PPARGC1A: variants seen among roughly 807,000 people sequenced by gnomAD.
The protein encoded by PPARGC1A is PPARG coactivator 1 alpha, also known as peroxisome proliferator-activated receptor gamma coactivator 1-alpha.
PPARGC1A carries 25 observed loss-of-function variants against 88.7 expected under a neutral mutation model. That is an observed-to-expected ratio of 0.28 (90% CI 0.21 to 0.39). PPARGC1A has a LOEUF of 0.39. Among genes scored for constraint, PPARGC1A ranks in the 10% least tolerant of loss-of-function variants. PPARGC1A has a pLI of 1.00. For missense variants in PPARGC1A, 880 were observed against 968.7 expected (o/e 0.91, Z 1.22); for synonymous variants, 363 against 355.6 (o/e 1.02, Z -0.24).
chr4:24,458,063 C>T, the PPARGC1A span, among the ~76,000 whole-genome samples: 4 of 152,136 alleles, frequency 2.6e-5, no homozygotes, highest in Admixed American at 1.3e-4. Context: ...TTGCTTGGAT[C>T]CCTTGACCAA....
the PPARGC1A span, among the ~76,000 whole-genome samples, chr4:24,205,275 T>C: frequency 8.5e-5 from 13 of 152,320 alleles, no homozygotes; most frequent in African/African-American, 2.9e-4. Flanking sequence ...GTCCCTTGTA[T>C]CCCATACTGA....
At chr4:24,302,938 G>A in the PPARGC1A span, among the ~76,000 whole-genome samples, 9 of 152,232 alleles carry the variant, frequency 5.9e-5, no homozygotes, top group South Asian at 2.1e-4. Flanking sequence ...TTCAGAAGTC[G>A]TTCTATTCTT....
At chr4:24,062,298 T>C in the PPARGC1A span, among the ~76,000 whole-genome samples, 1 of 152,214 alleles carries the variant, frequency 6.6e-6, no homozygotes, top group Non-Finnish European at 1.5e-5. Context: ...CTCCTAACGT[T>C]TCATAGGATA....
chr4:24,097,173 TA>T, the PPARGC1A span, among the ~76,000 whole-genome samples: 2 of 152,096 alleles, frequency 1.3e-5, no homozygotes, highest in Non-Finnish European at 2.9e-5. Flanking sequence ...CCAGGTAAAT[TA>T]AAACATGCAT....
At chr4:24,207,071 A>G in the PPARGC1A span, among the ~76,000 whole-genome samples, 1 of 152,038 alleles carries the variant, frequency 6.6e-6, no homozygotes, top group African/African-American at 2.4e-5. Flanking sequence ...TCTTGCTCTC[A>G]AATTTTTTTA....
intron 10 of PPARGC1A, among the ~76,000 whole-genome samples, chr4:23,807,115 T>TA (rs1226212739): frequency 1.3e-5 from 2 of 152,146 alleles, no homozygotes; most frequent in Non-Finnish European, 2.9e-5. Flanking sequence ...AGATTAGCTG[T>TA]AACCTGACTG....
At chr4:24,188,258 T>A in the PPARGC1A span, among the ~76,000 whole-genome samples, 4 of 152,222 alleles carry the variant, frequency 2.6e-5, no homozygotes, top group East Asian at 7.7e-4. Context: ...TGTCCATTCA[T>A]GTCCTATATT....
the PPARGC1A span, among the ~76,000 whole-genome samples, chr4:24,184,255 G>A: frequency 1.2e-4 from 19 of 152,220 alleles, no homozygotes; most frequent in Admixed American, 1.2e-3. Flanking sequence ...TTGGAAATTA[G>A]GAAACTGACT....
the PPARGC1A span, among the ~76,000 whole-genome samples, chr4:24,460,808 G>T: frequency 6.6e-6 from 1 of 152,304 alleles, no homozygotes; most frequent in East Asian, 1.9e-4. Context: ...TCTCCAGCTC[G>T]AGTGGCTAAT....
At chr4:24,060,334 C>G in the PPARGC1A span, among the ~76,000 whole-genome samples, 20 of 152,130 alleles carry the variant, frequency 1.3e-4, no homozygotes, top group Non-Finnish European at 2.6e-4. Context: ...GAAATATACC[C>G]CGTTAAACAA....
the PPARGC1A span, among the ~76,000 whole-genome samples, chr4:24,052,079 A>G: frequency 6.6e-6 from 1 of 152,324 alleles, no homozygotes; most frequent in South Asian, 2.1e-4. Context: ...AAACATTTGA[A>G]TATTGGACGT....
At chr4:24,147,791 C>T in the PPARGC1A span, among the ~76,000 whole-genome samples, 2 of 151,978 alleles carry the variant, frequency 1.3e-5, no homozygotes, top group South Asian at 2.1e-4. Context: ...TACTAAAATA[C>T]AAAAAAGTAG....
chr4:23,892,637 A>T (rs1361061110), upstream of PPARGC1A, among the ~76,000 whole-genome samples: 1 of 149,264 alleles, frequency 6.7e-6, no homozygotes, highest in Non-Finnish European at 1.5e-5. Context: ...TTCTCTATTT[A>T]ATTCTCTCTC....
chr4:23,990,197 G>A, the PPARGC1A span, among the ~76,000 whole-genome samples: 4 of 147,420 alleles, frequency 2.7e-5, no homozygotes, highest in Admixed American at 6.9e-5. Context: ...TTAAAAAGAG[G>A]TCACATCATA....
chr4:24,173,273 T>A, the PPARGC1A span, among the ~76,000 whole-genome samples: 4 of 147,434 alleles, frequency 2.7e-5, no homozygotes, highest in African/African-American at 1.0e-4. Context: ...AGGTGAAATA[T>A]CCATATTAAA....
the PPARGC1A span, among the ~76,000 whole-genome samples, chr4:24,308,774 T>C: frequency 6.6e-6 from 1 of 152,184 alleles, no homozygotes; most frequent in Admixed American, 6.5e-5. Context: ...CTTAAAAAAT[T>C]GAAAACTGCT....
chr4:23,873,221 A>AAAG lies in PPARGC1A; in HGVS notation c.234+11530_234+11531insCTT, dbSNP rs1297257881. 4.2e-5 allele frequency among the ~76,000 whole-genome samples: 6 copies of AAAG among 142,422 alleles called. No homozygotes were observed. The East Asian group carries it at 6.6e-4, about 16-fold the overall frequency. 93.4% of individuals were successfully genotyped at this position (142,422 alleles called of 152,430 possible). A position where few individuals can be genotyped will look rare whatever the true frequency, so the allele number is the denominator to read the frequency against. On this transcript the variant is annotated intron_variant, in intron 2 of 12. Transcript: ENST00000264867. ...TCAAAAATAAAAAATAAAAAATAAA[A>AAAG]AATAAAGAAAAAAATGTGACCAGCC...
At chr4:24,376,546 T>G in the PPARGC1A span, among the ~76,000 whole-genome samples, 2 of 152,322 alleles carry the variant, frequency 1.3e-5, no homozygotes, top group Admixed American at 6.5e-5. Flanking sequence ...TTTGAGCCAT[T>G]TGGAAAATAA....
At chr4:23,862,119 A>G (rs1731315603) in intron 2 of PPARGC1A, among the ~76,000 whole-genome samples, 2 of 152,230 alleles carry the variant, frequency 1.3e-5, no homozygotes, top group Admixed American at 6.5e-5. Flanking sequence ...GCCTCTGCAA[A>G]TGGAAGTGTC....
Sources: gnomAD v4.1 joint callset for allele counts (sites outside exome capture counted in the v4.1 genomes callset) on GRCh38, gnomAD v4.1.1 for gene constraint, MANE v1.5 for transcripts, NCBI Gene and HGNC (gene_info 2026-07-23, HGNC 2026-07-21) for gene names.